The following TBXAS1 variants were observed in gnomAD, a reference collection of about 807,000 sequenced individuals.
The protein encoded by TBXAS1 is thromboxane-A synthase.
In TBXAS1, 48 loss-of-function variants were observed where a neutral mutation model predicts 60.7. The observed-to-expected ratio is 0.79, with a 90% CI of 0.63 to 1.01. The LOEUF is 1.01. Among genes scored for constraint, TBXAS1 ranks in the 50% least tolerant of loss-of-function variants. TBXAS1 has a pLI of 0.00. For missense variants in TBXAS1, 685 were observed against 686.3 expected (o/e 1.00, Z 0.02); for synonymous variants, 287 against 269.7 (o/e 1.06, Z -0.63).
chr7:139,968,067 A>C (rs540796975), intron 9 of TBXAS1, among the ~76,000 whole-genome samples: 5 of 152,218 alleles, frequency 3.3e-5, no homozygotes, highest in African/African-American at 7.2e-5. Context: ...AATGTCAGGC[A>C]TGAAAGTCAA....
At chr7:139,963,427 C>A (rs1810525879) in intron 9 of TBXAS1, among the ~76,000 whole-genome samples, 1 of 152,190 alleles carries the variant, frequency 6.6e-6, no homozygotes, top group Admixed American at 6.5e-5. Flanking sequence ...CTATTTCATC[C>A]AAGTCATTGA....
At chr7:139,780,494 G>A (rs1381714082) in intron 1 of TBXAS1, among the ~76,000 whole-genome samples, 1 of 151,934 alleles carries the variant, frequency 6.6e-6, no homozygotes, top group Admixed American at 6.6e-5. Context: ...GGTGAGTACT[G>A]CACACATATT....
At chr7:139,907,519 C>A (rs1805198819) in intron 3 of TBXAS1, among the ~76,000 whole-genome samples, 1 of 151,998 alleles carries the variant, frequency 6.6e-6, no homozygotes, top group Admixed American at 6.6e-5. Flanking sequence ...GTAAACCTGT[C>A]CTCATAAATT....
chr7:139,835,048 A>G (rs1387783919), intron 1 of TBXAS1, among the ~76,000 whole-genome samples: 1 of 149,222 alleles, frequency 6.7e-6, no homozygotes, highest in Non-Finnish European at 1.5e-5. Flanking sequence ...TCCTTGATGA[A>G]CATAGATACT....
At chr7:139,821,586 C>A (rs1019818315) in intron 4 of TBXAS1, among the ~76,000 whole-genome samples, 2 of 152,226 alleles carry the variant, frequency 1.3e-5, no homozygotes, top group African/African-American at 4.8e-5. Context: ...TAGCTCTGCC[C>A]TTATCACAGG....
chr7:139,890,004 G>A (rs975988065), intron 3 of TBXAS1, among the ~76,000 whole-genome samples: 6 of 152,032 alleles, frequency 3.9e-5, no homozygotes, highest in African/African-American at 1.4e-4. Context: ...CCTGGAATCC[G>A]GAATCTCCAC....
At chr7:139,859,351 C>T (rs1040548063) in intron 1 of TBXAS1, among the ~76,000 whole-genome samples, 2 of 151,784 alleles carry the variant, frequency 1.3e-5, no homozygotes, top group African/African-American at 2.4e-5. Context: ...GGACTACAGG[C>T]GCCCACCAAC....
intron 3 of TBXAS1, among the ~76,000 whole-genome samples, chr7:139,888,710 A>C (rs1000599442): frequency 2.6e-5 from 4 of 152,142 alleles, no homozygotes; most frequent in Non-Finnish European, 4.4e-5. Flanking sequence ...GCACATATGC[A>C]TGGGAGAAAG....
At chr7:139,946,410 A>G (rs4140996) in intron 5 of TBXAS1, among the ~76,000 whole-genome samples, 115,343 of 152,156 alleles carry the variant, frequency 0.76, 43,768 homozygotes, top group Admixed American at 0.8. Flanking sequence ...GTCAGGCACT[A>G]TCAAAGTCCT....
chr7:139,809,373 C>T (rs942266445), intron 4 of TBXAS1, among the ~76,000 whole-genome samples: 98 of 142,602 alleles, frequency 6.9e-4, no homozygotes, highest in African/African-American at 2.4e-3. Context: ...GATAGACAGA[C>T]AGAACCAACA....
At chr7:139,941,014 G>T (rs1193849371) in intron 5 of TBXAS1, among the ~76,000 whole-genome samples, 1 of 152,116 alleles carries the variant, frequency 6.6e-6, no homozygotes, top group Non-Finnish European at 1.5e-5. Context: ...CATACAAAAA[G>T]TCACAGACAC....
chr7:140,015,760 G>A lies in TBXAS1; in HGVS notation c.1264G>A (p.Gly422Arg), dbSNP rs1003009961. Residue 422 changes from glycine to arginine, a missense_variant, in exon 11 of 13, where the codon GGG becomes AGG. By Grantham distance (125) the Gly-to-Arg change is moderately radical. Transcript: ENST00000448866. ...REAAQDCEVL[G>R]QRIPAGAVLE... Reference sequence around the variant, plus strand: ...GGCAGCTCAGGACTGCGAGGTGCTGGGGCAGCGCATCCCCGCAGGCGCTGT... The same window carrying A: ...GGCAGCTCAGGACTGCGAGGTGCTGAGGCAGCGCATCCCCGCAGGCGCTGT... 6.2e-7 allele frequency: 1 copy of A among 1,613,502 alleles called. No homozygotes were observed.
At chr7:139,866,761 AG>A (rs1006021104) in intron 1 of TBXAS1, among the ~76,000 whole-genome samples, 6 of 152,114 alleles carry the variant, frequency 3.9e-5, no homozygotes, top group African/African-American at 1.4e-4. Context: ...GCTAAAAAAA[AG>A]AAAAAGAAGA....
In TBXAS1 at chr7:139,955,498, C is replaced by T. The variant is rs532367760; in HGVS notation, c.579C>T (p.Val193=). The change falls in exon 7 of 13, where the codon GTC becomes GTT. Residue 193 remains valine (V), a synonymous_variant. Coordinates refer to ENST00000448866, the MANE Select transcript of TBXAS1 (RefSeq NM_001061.7). ...CNYTTDVVAS[V]AFGTPVDSWQ... The stretch of plus-strand genomic sequence containing the variant: ...ACACCACAGATGTGGTTGCCAGCGT[C>T]GCCTTTGGCACCCCGGTGGACTCCT... 12 of 1,614,242 alleles carry T rather than the reference C, an allele frequency of 7.4e-6. No homozygotes were observed. Among genetic ancestry groups the T allele is most frequent in the Middle Eastern group, 1.6e-4 (1 of 6,062 alleles).
chr7:139,970,788 T>C (rs560763131), intron 9 of TBXAS1, among the ~76,000 whole-genome samples: 1 of 152,142 alleles, frequency 6.6e-6, no homozygotes, highest in South Asian at 2.1e-4. Context: ...GCTTTTGAGG[T>C]GATTTAAAGT....
At position 139,829,429 on chromosome 7, in the gene TBXAS1, C is replaced by A; in HGVS notation, c.39C>A (p.Gly13=). The change falls in exon 1 of 13, where the codon GGC becomes GGA. Residue 13 remains glycine (G), a synonymous_variant. Coordinates refer to ENST00000448866, the MANE Select transcript of TBXAS1 (RefSeq NM_001061.7). ...ALGFLKLEVN[G]PMVTVALSVA... is the part of the protein sequence containing the mutation. ...GGTTTCTAAAATTGGAAGTGAATGG[C>A]CCCATGGTGACGGTGGCCCTGTCAG... 1 of 1,613,942 alleles carries A rather than the reference C, an allele frequency of 6.2e-7. No homozygotes were observed. Among genetic ancestry groups the A allele is most frequent in the Non-Finnish European group, 8.5e-7 (1 of 1,179,944 alleles).
chr7:139,827,678 A>G (rs1798477743), upstream of TBXAS1, among the ~76,000 whole-genome samples: 1 of 152,218 alleles, frequency 6.6e-6, no homozygotes, highest in Admixed American at 6.5e-5. Flanking sequence ...GTGGCTTGGT[A>G]ATGACGAATT....
intron 5 of TBXAS1, among the ~76,000 whole-genome samples, chr7:139,947,451 A>G (rs192508875): frequency 1.7e-4 from 26 of 152,288 alleles, no homozygotes; most frequent in African/African-American, 5.3e-4. Context: ...TAAATAGCTA[A>G]TGCCTAATAC....
intron 4 of TBXAS1, among the ~76,000 whole-genome samples, chr7:139,930,663 G>A (rs1807246013): frequency 6.6e-6 from 1 of 151,954 alleles, no homozygotes; most frequent in African/African-American, 2.4e-5. Context: ...ACTCCTTCAG[G>A]CTTTGTGTTC....
Sources: allele counts gnomAD v4.1 joint callset (sites outside exome capture counted in the v4.1 genomes callset), GRCh38; gene constraint gnomAD v4.1.1; transcripts MANE v1.5; gene names NCBI Gene and HGNC (gene_info 2026-07-23, HGNC 2026-07-21).